PTPRT: variants seen among roughly 807,000 people sequenced by gnomAD.
PTPRT encodes the protein receptor-type tyrosine-protein phosphatase T.
Under a neutral mutation model 176.8 loss-of-function variants are expected in PTPRT, and 56 were observed. That is an observed-to-expected ratio of 0.32 (90% CI 0.26 to 0.40). PTPRT has a LOEUF of 0.40. PTPRT is among the 10% of genes least tolerant of loss of function. The pLI, the probability that PTPRT is intolerant of heterozygous loss-of-function variation, is 1.00. For missense variants in PTPRT, 1,540 were observed against 1,908.2 expected (o/e 0.81, Z 3.60); for synonymous variants, 783 against 739.0 (o/e 1.06, Z -0.96).
At chr20:43,008,440 C>A (rs1234470740) in intron 1 of PTPRT, among the ~76,000 whole-genome samples, 3 of 152,178 alleles carry the variant, frequency 2.0e-5, no homozygotes. Flanking sequence ...GTAATCCCAG[C>A]ACTTTGGGAG....
At chr20:42,341,999 T>A (rs1459637249) in intron 11 of PTPRT, among the ~76,000 whole-genome samples, 1 of 152,200 alleles carries the variant, frequency 6.6e-6, no homozygotes, top group Non-Finnish European at 1.5e-5. Flanking sequence ...AGGAGCCTTA[T>A]AAAAGGGGAC....
intron 12 of PTPRT, among the ~76,000 whole-genome samples, chr20:42,293,375 C>A (rs1225265861): frequency 6.6e-6 from 1 of 152,080 alleles, no homozygotes; most frequent in Non-Finnish European, 1.5e-5. Flanking sequence ...TGCAACTGAC[C>A]ATTCCCTCCT....
chr20:42,873,736 C>G (rs1354077597), intron 2 of PTPRT, among the ~76,000 whole-genome samples: 1 of 152,166 alleles, frequency 6.6e-6, no homozygotes, highest in African/African-American at 2.4e-5. Context: ...GGACTAGCCA[C>G]ATTTCCAGTA....
At chr20:42,438,505 C>T in intron 9 of PTPRT, among the ~76,000 whole-genome samples, 1 of 152,056 alleles carries the variant, frequency 6.6e-6, no homozygotes, top group East Asian at 1.9e-4. Context: ...ATAGAACAAT[C>T]CTAAGGATGA....
chr20:42,363,546 G>A (rs2058470845), intron 9 of PTPRT, among the ~76,000 whole-genome samples: 1 of 151,554 alleles, frequency 6.6e-6, no homozygotes, highest in Non-Finnish European at 1.5e-5. Context: ...CTGACCTCAG[G>A]TGATCAGCCC....
Position 42,793,993 on chromosome 20 carries a change from G to A in PTPRT, c.215-2527C>T, listed in dbSNP as rs575151242. On this transcript the variant is annotated intron_variant, in intron 2 of 30. Transcript: ENST00000373187. Reference sequence around the variant, plus strand: ...CTGTCCTCCTGCCAATTCACGCCACGGGCTCATGTACCCTTGGCTCCTTAC... The same window carrying A: ...CTGTCCTCCTGCCAATTCACGCCACAGGCTCATGTACCCTTGGCTCCTTAC... Among the ~76,000 whole-genome samples the A allele has an allele frequency of 2.5e-3, 373 of 152,214 alleles. 1 individual carries two copies. Among genetic ancestry groups the A allele is most frequent in the African/African-American group, 8.5e-3 (352 of 41,530 alleles).
intron 1 of PTPRT, among the ~76,000 whole-genome samples, chr20:43,125,612 A>G (rs935346400): frequency 1.3e-5 from 2 of 152,150 alleles, no homozygotes; most frequent in Non-Finnish European, 2.9e-5. Context: ...TGCTAGCATT[A>G]TTTTCACTAT....
intron 1 of PTPRT, among the ~76,000 whole-genome samples, chr20:43,005,383 G>A (rs564920983): frequency 6.6e-6 from 1 of 152,186 alleles, no homozygotes; most frequent in African/African-American, 2.4e-5. Flanking sequence ...TGTCACCTCA[G>A]GGACTTTGCA....
rs1327864722 is a variant in PTPRT, at chr20:42,506,597, T to TA, written c.1154-34036dup. On this transcript the variant is annotated intron_variant, in intron 7 of 30. Transcript: ENST00000373187. The stretch of plus-strand genomic sequence containing the variant: ...CCAGGTTGTGAACAATGTTGCACAA[T>TA]AATTTGTGTAATCCCTGAATATATC... 3.9e-5 allele frequency among the ~76,000 whole-genome samples: 6 copies of TA among 152,292 alleles called. No homozygotes were observed. The South Asian group carries it at 1.2e-3, about 32-fold the overall frequency.
the PTPRT span, among the ~76,000 whole-genome samples, chr20:42,043,491 T>A: frequency 1.3e-5 from 2 of 152,152 alleles, no homozygotes; most frequent in Admixed American, 1.3e-4. Flanking sequence ...AGTATAGAGA[T>A]GAGGGGTGAG....
At chr20:42,111,161 G>A (rs6016685) in intron 22 of PTPRT, among the ~76,000 whole-genome samples, 35,801 of 151,994 alleles carry the variant, frequency 0.24, 4,328 homozygotes, top group African/African-American at 0.29. Flanking sequence ...TCCGGGCCCA[G>A]TAGTGGTTTT....
At position 42,530,613 on chromosome 20, in the gene PTPRT, G is replaced by A. The variant is rs192929353; in HGVS notation, c.1154-58051C>T. 7.2e-4 allele frequency among the ~76,000 whole-genome samples: 109 copies of A among 152,300 alleles called. 1 individual carries two copies. The highest frequency in any genetic ancestry group is 1.7e-3 in the South Asian group (8 of 4,822). Reference sequence around the variant, plus strand: ...AGGAAATTCAACCTCTGAGTACCACGTTTTCTTGTTCTCTTCTTTATGTTT... The same window carrying A: ...AGGAAATTCAACCTCTGAGTACCACATTTTCTTGTTCTCTTCTTTATGTTT... On this transcript the variant is annotated intron_variant, in intron 7 of 30. Transcript: ENST00000373187.
intron 1 of PTPRT, among the ~76,000 whole-genome samples, chr20:43,111,981 AT>A (rs530582735): frequency 1.2e-3 from 181 of 152,290 alleles, no homozygotes; most frequent in African/African-American, 4.2e-3. Flanking sequence ...GACATTTAAC[AT>A]TTCCCCAGAA....
intron 8 of PTPRT, among the ~76,000 whole-genome samples, chr20:42,463,495 T>C (rs1377618138): frequency 1.3e-5 from 2 of 152,166 alleles, no homozygotes; most frequent in Admixed American, 6.5e-5. Context: ...AACCAGATGT[T>C]TTCTTGTGCC....
chr20:42,723,486 G>A (rs1035666056), intron 6 of PTPRT, among the ~76,000 whole-genome samples: 1 of 152,172 alleles, frequency 6.6e-6, no homozygotes. Flanking sequence ...TGGCTGGTGG[G>A]CCAGATGTAG....
chr20:42,758,235 C>T (rs752194822), intron 5 of PTPRT, among the ~76,000 whole-genome samples: 17 of 152,222 alleles, frequency 1.1e-4, no homozygotes, highest in African/African-American at 2.9e-4. Context: ...AGTCTCGCAA[C>T]GCGATCTTCA....
chr20:42,913,888 C>G (rs901639914), intron 1 of PTPRT, among the ~76,000 whole-genome samples: 2 of 152,106 alleles, frequency 1.3e-5, no homozygotes. Context: ...TTTTCAAAAG[C>G]CTTTTTGAGA....
intron 1 of PTPRT, among the ~76,000 whole-genome samples, chr20:43,113,918 G>T (rs2012959382): frequency 6.6e-6 from 1 of 152,190 alleles, no homozygotes; most frequent in African/African-American, 2.4e-5. Context: ...AATGTGAAAA[G>T]ATCAAATGAT....
chr20:42,574,029 G>A (rs370568666), intron 7 of PTPRT, among the ~76,000 whole-genome samples: 4 of 152,224 alleles, frequency 2.6e-5, no homozygotes, highest in East Asian at 1.9e-4. Context: ...TTACAGGCGT[G>A]AGCCACCGCA....
Sources: allele counts gnomAD v4.1 joint callset (sites outside exome capture counted in the v4.1 genomes callset), GRCh38; gene constraint gnomAD v4.1.1; transcripts MANE v1.5; gene names NCBI Gene and HGNC (gene_info 2026-07-23, HGNC 2026-07-21).